The following NCKAP5 variants were observed in gnomAD, a reference collection of about 807,000 sequenced individuals.
NCKAP5 encodes NCK associated protein 5, also known as nck-associated protein 5.
In NCKAP5, 92 loss-of-function variants were observed where a neutral mutation model predicts 167.0. The ratio of observed to expected loss-of-function variants is 0.55; its 90% CI spans 0.47 to 0.66. The LOEUF (loss-of-function observed/expected upper bound fraction) is 0.66, where lower values mean the gene tolerates loss of function less well. NCKAP5 is among the 30% of genes least tolerant of loss of function. NCKAP5 has a pLI of 0.00. For synonymous variants in NCKAP5, 891 were observed against 877.4 expected (o/e 1.02, Z -0.27); for missense variants, 2,378 against 2,315.0 (o/e 1.03, Z -0.56).
chr2:133,415,863 A>G (rs1169964073), intron 3 of NCKAP5, among the ~76,000 whole-genome samples: 1 of 152,240 alleles, frequency 6.6e-6, no homozygotes, highest in Non-Finnish European at 1.5e-5. Flanking sequence ...CTGTAGAGTT[A>G]CAGATATATG....
At chr2:132,989,201 C>T (rs1159727975) in intron 7 of NCKAP5, among the ~76,000 whole-genome samples, 5 of 152,306 alleles carry the variant, frequency 3.3e-5, no homozygotes, top group East Asian at 1.9e-4. Context: ...TCAGGCTGTC[C>T]GTGTTTAAAT....
At chr2:133,256,486 T>A (rs1054523799) in intron 4 of NCKAP5, among the ~76,000 whole-genome samples, 6 of 152,220 alleles carry the variant, frequency 3.9e-5, no homozygotes, top group African/African-American at 1.4e-4. Context: ...TACATCTGTA[T>A]TTTTATCAAA....
In NCKAP5 at chr2:132,825,219, G is replaced by A. The variant is rs141952547; in HGVS notation, c.808-28490C>T. Among the ~76,000 whole-genome samples the A allele has an allele frequency of 6.2e-4, 95 of 152,232 alleles. 1 individual carries two copies. The highest frequency in any genetic ancestry group is 2.2e-3 in the African/African-American group (91 of 41,528). ...CACCGACAAATAATCTCCCTCTCCG[G>A]TGTCTCTACATAGGTGAGTGGCTAA... On this transcript the variant is annotated intron_variant, in intron 11 of 19. Coordinates refer to ENST00000409261, the MANE Select transcript of NCKAP5 (RefSeq NM_207363.3).
At chr2:133,017,362 G>A (rs2078373738) in intron 6 of NCKAP5, among the ~76,000 whole-genome samples, 1 of 152,106 alleles carries the variant, frequency 6.6e-6, no homozygotes. Context: ...AACAAAGCAG[G>A]GTCAGGGTTT....
In NCKAP5 at chr2:132,782,163, C is replaced by A; in HGVS notation, c.4648G>T (p.Glu1550Ter). The stretch of plus-strand genomic sequence containing the variant: ...GGCTTCTTTTTCTCTTTTTTTCTTT[C>A]TGATTTTAGTTGTCTGTTTCCAAAC... ...LGFGNRQLKS[E>*]RKKEKKKPEL... Residue 1550 changes from glutamate (E) to a stop codon, truncating the protein, a stop_gained, in exon 14 of 20, where the codon GAA (glutamate) becomes TAA (stop). Transcript: ENST00000409261. LOFTEE classifies it high-confidence loss of function. The A allele has an allele frequency of 6.2e-7, 1 of 1,606,294 alleles. No homozygotes were observed. Among genetic ancestry groups the A allele is most frequent in the Non-Finnish European group, 8.5e-7 (1 of 1,178,068 alleles).
At chr2:132,959,071 A>C (rs904881829) in intron 8 of NCKAP5, among the ~76,000 whole-genome samples, 4 of 146,518 alleles carry the variant, frequency 2.7e-5, no homozygotes, top group Non-Finnish European at 6.0e-5. Context: ...AAATATATTA[A>C]TAATATATTA....
At chr2:132,752,655 A>G (rs1456529854) in intron 16 of NCKAP5, among the ~76,000 whole-genome samples, 1 of 152,224 alleles carries the variant, frequency 6.6e-6, no homozygotes, top group Non-Finnish European at 1.5e-5. Context: ...TCCTGTTAAA[A>G]TCTAATTATA....
intron 19 of NCKAP5, among the ~76,000 whole-genome samples, chr2:132,707,395 G>A (rs564107238): frequency 6.6e-6 from 1 of 152,350 alleles, no homozygotes; most frequent in East Asian, 1.9e-4. Flanking sequence ...GGCTAATGTG[G>A]TCTGGGGTTC....
chr2:133,608,289 T>C, the NCKAP5 span, among the ~76,000 whole-genome samples: 1 of 152,224 alleles, frequency 6.6e-6, no homozygotes, highest in Non-Finnish European at 1.5e-5. Context: ...CTTTCTCAAA[T>C]GGTCTTCATT....
At chr2:133,111,688 C>G (rs191048408) in intron 6 of NCKAP5, among the ~76,000 whole-genome samples, 1 of 152,160 alleles carries the variant, frequency 6.6e-6, no homozygotes, top group Non-Finnish European at 1.5e-5. Context: ...AGACTGGGCC[C>G]GGGTACCTTT....
At chr2:133,015,838 G>C (rs969940334) in intron 6 of NCKAP5, among the ~76,000 whole-genome samples, 3 of 152,230 alleles carry the variant, frequency 2.0e-5, no homozygotes, top group Middle Eastern at 3.4e-3. Context: ...GGAGAGATGT[G>C]GGCCACCTGG....
intron 3 of NCKAP5, among the ~76,000 whole-genome samples, chr2:133,446,780 G>A (rs932166291): frequency 6.6e-6 from 1 of 152,156 alleles, no homozygotes; most frequent in Non-Finnish European, 1.5e-5. Context: ...AATAATGGAG[G>A]AGATGAGACA....
chr2:132,698,166 G>C (rs145275185), intron 19 of NCKAP5, among the ~76,000 whole-genome samples: 30 of 152,236 alleles, frequency 2.0e-4, no homozygotes, highest in African/African-American at 7.2e-4. Flanking sequence ...GTATAAAACT[G>C]TTCTGTCAAC....
intron 6 of NCKAP5, among the ~76,000 whole-genome samples, chr2:133,026,826 T>C (rs1025077356): frequency 1.3e-5 from 2 of 152,186 alleles, no homozygotes; most frequent in Non-Finnish European, 2.9e-5. Flanking sequence ...ATTGTGCTCA[T>C]TGAGATACAC....
chr2:132,870,676 A>G (rs893596543), intron 9 of NCKAP5, among the ~76,000 whole-genome samples: 2 of 151,024 alleles, frequency 1.3e-5, no homozygotes, highest in Non-Finnish European at 2.9e-5. Context: ...TCTTGGTAAC[A>G]TATTTGTTTT....
chr2:132,797,583 TTGAG>T (rs1452823688), intron 11 of NCKAP5, among the ~76,000 whole-genome samples: 31 of 152,270 alleles, frequency 2.0e-4, no homozygotes, highest in African/African-American at 7.5e-4. Flanking sequence ...AAAAATCTAA[TTGAG>T]TAAGTAAATA....
chr2:133,101,877 T>G (rs1000443285), intron 6 of NCKAP5, among the ~76,000 whole-genome samples: 1 of 152,096 alleles, frequency 6.6e-6, no homozygotes, highest in African/African-American at 2.4e-5. Context: ...AATTGCAGAA[T>G]GTGATGAACC....
chr2:133,403,887 A>ATGTGTGTGTGTGTGTGTGTGTG lies in NCKAP5; in HGVS notation c.70-100799_70-100778dup, dbSNP rs138024785. Reference sequence around the variant, plus strand: ...CATAAGCTGGTCTGCAGTCAGGTGGATGTGTGTGTGTGTGTGTGTGTGTGT... The same window carrying ATGTGTGTGTGTGTGTGTGTGTG: ...CATAAGCTGGTCTGCAGTCAGGTGGATGTGTGTGTGTGTGTGTGTGTGTGTGTGTGTGTGTGTGTGTGTGTGT... On this transcript the variant is annotated intron_variant, in intron 3 of 19. Transcript: ENST00000409261. Among the ~76,000 whole-genome samples the ATGTGTGTGTGTGTGTGTGTGTG allele has an allele frequency of 4.1e-3, 602 of 148,198 alleles. 3 individuals are homozygous for ATGTGTGTGTGTGTGTGTGTGTG. Among genetic ancestry groups the ATGTGTGTGTGTGTGTGTGTGTG allele is most frequent in the Middle Eastern group, 0.018 (5 of 284 alleles).
chr2:132,687,031 T>C (rs535069268), intron 19 of NCKAP5, among the ~76,000 whole-genome samples: 1 of 152,274 alleles, frequency 6.6e-6, no homozygotes, highest in South Asian at 2.1e-4. Flanking sequence ...GGTGAGGTGT[T>C]TTAAATACCC....
Sources: allele counts gnomAD v4.1 joint callset (sites outside exome capture counted in the v4.1 genomes callset), GRCh38; gene constraint gnomAD v4.1.1; transcripts MANE v1.5; gene names NCBI Gene and HGNC (gene_info 2026-07-23, HGNC 2026-07-21).